The following EIF2S1 variants were observed in gnomAD, a reference collection of about 807,000 sequenced individuals.
The protein encoded by EIF2S1 is eukaryotic translation initiation factor 2 subunit alpha.
Under a neutral mutation model 33.5 loss-of-function variants are expected in EIF2S1, and 5 were observed. The ratio of observed to expected loss-of-function variants is 0.15; its 90% CI spans 0.08 to 0.31. The LOEUF is 0.31. Among genes scored for constraint, EIF2S1 ranks in the 10% least tolerant of loss-of-function variants. The pLI is 1.00. For synonymous variants in EIF2S1, 99 were observed against 127.5 expected, an observed-to-expected ratio of 0.78 and a Z score of 1.51; for missense variants, 191 against 384.6, an observed-to-expected ratio of 0.50 and a Z score of 4.21.
At chr14:67,364,578 A>AT (rs1222172350) in intron 1 of EIF2S1, 189 bp from the exon 2 acceptor site, 1 of 545,828 alleles carries the variant, frequency 1.8e-6, no homozygotes, top group Non-Finnish European at 3.1e-6. Context: ...CAAAATAAAA[A>AT]TTAAAGCTTG....
At chr14:67,363,285 T>C (rs968937531) in intron 1 of EIF2S1, among the ~76,000 whole-genome samples, 5 of 152,060 alleles carry the variant, frequency 3.3e-5, no homozygotes, top group Admixed American at 3.3e-4. Context: ...ATTGAATGTC[T>C]ACTTCTCTTT....
In EIF2S1 at chr14:67,372,055, A is replaced by C. The variant is rs1214432444; in HGVS notation, c.242-2413A>C. Among the ~76,000 whole-genome samples the C allele has an allele frequency of 2.6e-5, 4 of 152,072 alleles. No homozygotes were observed. The South Asian group carries it at 8.3e-4, about 32-fold the overall frequency. ...CTAGGTGGGGGGATCACTTGAGCCC[A>C]GGAGTTCGAGACCAGCCTGGGCAAC... On this transcript the variant is annotated intron_variant, in intron 2 of 7. Coordinates refer to ENST00000256383, the MANE Select transcript of EIF2S1 (RefSeq NM_004094.5).
intron 1 of EIF2S1, among the ~76,000 whole-genome samples, chr14:67,361,757 T>G (rs1180290794): frequency 6.6e-6 from 1 of 152,224 alleles, no homozygotes; most frequent in East Asian, 1.9e-4. Flanking sequence ...CATAAGAGTA[T>G]TATAGCATGT....
chr14:67,382,908 C>CGTGCGTGT (rs1555347754), intron 7 of EIF2S1, among the ~76,000 whole-genome samples: 6 of 144,096 alleles, frequency 4.2e-5, no homozygotes, highest in Non-Finnish European at 7.9e-5. Flanking sequence ...TGCGTGCGTG[C>CGTGCGTGT]GTGTGTGTGT....
intron 4 of EIF2S1, among the ~76,000 whole-genome samples, chr14:67,380,180 C>A (rs1389330774): frequency 6.6e-6 from 1 of 152,188 alleles, no homozygotes; most frequent in Non-Finnish European, 1.5e-5. Flanking sequence ...GTTAATAAGA[C>A]CCTGGTCCCT....
chr14:67,361,650 G>A (rs1297312013), intron 1 of EIF2S1, among the ~76,000 whole-genome samples: 1 of 152,194 alleles, frequency 6.6e-6, no homozygotes, highest in Non-Finnish European at 1.5e-5. Flanking sequence ...CCTACCATTT[G>A]TCATGCAAAA....
At chr14:67,370,417 T>G (rs975875300) in intron 2 of EIF2S1, among the ~76,000 whole-genome samples, 2 of 152,192 alleles carry the variant, frequency 1.3e-5, no homozygotes, top group African/African-American at 4.8e-5. Flanking sequence ...GTATCAAAGT[T>G]AAAAACTTGT....
chr14:67,376,758 G>A (rs900430340), intron 4 of EIF2S1, among the ~76,000 whole-genome samples, 168 bp downstream of exon 4: 1 of 152,282 alleles, frequency 6.6e-6, no homozygotes, highest in East Asian at 1.9e-4. Context: ...GTAGTTTTAT[G>A]TATCATAGTT....
intron 1 of EIF2S1, among the ~76,000 whole-genome samples, chr14:67,361,691 C>T (rs1055255192): frequency 6.6e-6 from 1 of 152,114 alleles, no homozygotes; most frequent in Non-Finnish European, 1.5e-5. Flanking sequence ...TTGAAATTAG[C>T]CTGGAGTTTG....
chr14:67,384,304 A>G lies in EIF2S1; in HGVS notation c.*864A>G, dbSNP rs1381950546. On this transcript the variant is annotated 3_prime_UTR_variant, in exon 8 of 8. Transcript: ENST00000256383. ...TTTTATTGCTATTAAAATATCCACT[A>G]GATGCCACCTAGAGCTCCAGTTCTT... is the stretch of plus-strand genomic sequence containing the variant. The G allele has an allele frequency of 6.6e-6, 1 of 151,166 alleles. No homozygotes were observed. Among genetic ancestry groups the G allele is most frequent in the East Asian group, 1.9e-4 (1 of 5,174 alleles). 9.4% of individuals were successfully genotyped at this position (151,166 alleles called of 1,614,324 possible).
chr14:67,363,660 G>A (rs1172708450), intron 1 of EIF2S1, among the ~76,000 whole-genome samples: 2 of 152,106 alleles, frequency 1.3e-5, no homozygotes, highest in Non-Finnish European at 2.9e-5. Context: ...GAACTAGGGA[G>A]AAAGTTGTAC....
intron 1 of EIF2S1, 198 bp from the exon 2 acceptor site, chr14:67,364,568 CA>C: frequency 3.9e-6 from 2 of 515,060 alleles, no homozygotes; most frequent in South Asian, 5.5e-5. Context: ...AAATGTTGAG[CA>C]AAATAAAAAT....
chr14:67,367,480 T>C (rs536248005), intron 2 of EIF2S1, among the ~76,000 whole-genome samples: 8 of 152,334 alleles, frequency 5.3e-5, no homozygotes, highest in Admixed American at 1.3e-4. Context: ...CCACCCGCCT[T>C]GGCCTCCCAA....
intron 4 of EIF2S1, among the ~76,000 whole-genome samples, chr14:67,378,130 A>C (rs1036643978): frequency 4.6e-5 from 7 of 151,738 alleles, no homozygotes; most frequent in African/African-American, 1.5e-4. Context: ...CTCTTAAAAA[A>C]AAAAAAAAAG....
intron 1 of EIF2S1, among the ~76,000 whole-genome samples, chr14:67,361,761 A>G (rs529557983): frequency 1.3e-5 from 2 of 152,354 alleles, no homozygotes; most frequent in Admixed American, 6.5e-5. Flanking sequence ...AGAGTATTAT[A>G]GCATGTTGTG....
At position 67,383,622 on chromosome 14, in the gene EIF2S1, A is replaced by G. The variant is rs979540808; in HGVS notation, c.*182A>G. ...CCTCCTAAATGTCAGCTGTTGTCAC[A>G]CAGTAGCTCCAACACTTTGAGCATT... On this transcript the variant is annotated 3_prime_UTR_variant, in exon 8 of 8. Transcript: ENST00000256383. 61 of 775,928 alleles carry G rather than the reference A, an allele frequency of 7.9e-5. No individual in the cohort carries two copies. In the Admixed American group the frequency reaches 1.4e-3, roughly 18 times the overall value. The allele number at this position is 775,928 out of a possible 1,614,324, so 48.1% of individuals were successfully genotyped here. A position where few individuals can be genotyped will look rare whatever the true frequency, so the allele number is the denominator to read the frequency against.
At chr14:67,369,795 G>C (rs1208558142) in intron 2 of EIF2S1, among the ~76,000 whole-genome samples, 1 of 152,138 alleles carries the variant, frequency 6.6e-6, no homozygotes, top group African/African-American at 2.4e-5. Flanking sequence ...CAGTTATCTA[G>C]GCTTTTGTTT....
intron 2 of EIF2S1, among the ~76,000 whole-genome samples, chr14:67,371,991 A>T (rs540472407): frequency 7.9e-5 from 12 of 152,306 alleles, no homozygotes; most frequent in Non-Finnish European, 1.8e-4. Flanking sequence ...TTGGCTGGGC[A>T]TGGTGGCTGA....
At chr14:67,376,629 C>T in intron 4 of EIF2S1, 39 bp downstream of exon 4, 9 of 1,595,754 alleles carry the variant, frequency 5.6e-6, no homozygotes, top group Non-Finnish European at 6.8e-6. Context: ...ACCTTGATAT[C>T]ACAACTCTTG....
Sources: gnomAD v4.1 joint callset for allele counts (sites outside exome capture counted in the v4.1 genomes callset) on GRCh38, gnomAD v4.1.1 for gene constraint, MANE v1.5 for transcripts, NCBI Gene and HGNC (gene_info 2026-07-23, HGNC 2026-07-21) for gene names.